RFC1: variants seen among roughly 807,000 people sequenced by gnomAD.
RFC1 encodes the protein A1 140 kDa subunit.
In RFC1, 37 loss-of-function variants were observed where a neutral mutation model predicts 137.4. That is an observed-to-expected ratio of 0.27 (90% CI 0.21 to 0.35). The LOEUF (loss-of-function observed/expected upper bound fraction) is 0.35. RFC1 is among the 10% of genes least tolerant of loss of function. The pLI is 1.00. For missense variants in RFC1, 1,205 were observed against 1,358.5 expected (o/e 0.89, Z 1.78); for synonymous variants, 429 against 455.7 (o/e 0.94, Z 0.75).
chr4:39,348,988 G>C (rs1048775996), intron 2 of RFC1, among the ~76,000 whole-genome samples: 1 of 152,186 alleles, frequency 6.6e-6, no homozygotes, highest in Non-Finnish European at 1.5e-5. Context: ...CTTTGGAATG[G>C]TAATGTCTAT....
chr4:39,353,218 T>C (rs915944306), intron 1 of RFC1, among the ~76,000 whole-genome samples: 1 of 151,890 alleles, frequency 6.6e-6, no homozygotes, highest in African/African-American at 2.4e-5. Context: ...CTGGTCAACA[T>C]GGTGAAATCC....
At chr4:39,310,351 T>C (rs1738906689) in intron 12 of RFC1, among the ~76,000 whole-genome samples, 1 of 152,110 alleles carries the variant, frequency 6.6e-6, no homozygotes, top group Non-Finnish European at 1.5e-5. Context: ...GTTCGAAAAA[T>C]ATGTACAGGT....
At chr4:39,350,277 A>C (rs1327680933) in intron 2 of RFC1, among the ~76,000 whole-genome samples, 1 of 152,184 alleles carries the variant, frequency 6.6e-6, no homozygotes, top group East Asian at 1.9e-4. Context: ...TCCAACGTTT[A>C]TGTAATTGTA....
intron 3 of RFC1, among the ~76,000 whole-genome samples, chr4:39,343,169 C>T (rs1443362120): frequency 1.3e-5 from 2 of 152,232 alleles, no homozygotes; most frequent in South Asian, 2.1e-4. Context: ...ACTACAGGCG[C>T]GTGCCACCAC....
chr4:39,301,261 T>TGC lies in RFC1; in HGVS notation c.2536-849_2536-848dup, dbSNP rs1165523788. On this transcript the variant is annotated intron_variant, in intron 19 of 24. Transcript: ENST00000349703. ...TGGACACAGTGAAAGGATCAGTGGC[T>TGC]GCCAGGGGTTGTAGGGAGGAAAGCG... 9.9e-5 allele frequency among the ~76,000 whole-genome samples: 15 copies of TGC among 152,278 alleles called. No individual in the cohort carries two copies. In the East Asian group the frequency reaches 2.9e-3, roughly 29 times the overall value.
In RFC1 at chr4:39,300,244, AG is replaced by A. The variant is rs1738276780; in HGVS notation, c.2690+15del. ...CTGGATACTAAGCACACCTCTCACCAGCTCTGGACACTCACCCTGCTGCTAC... is the reference window on the plus strand; with the variant it reads ...CTGGATACTAAGCACACCTCTCACCACTCTGGACACTCACCCTGCTGCTAC... On this transcript the variant is annotated intron_variant, in intron 20 of 24. Coordinates refer to ENST00000349703, the MANE Select transcript of RFC1 (RefSeq NM_002913.5). 3 of 1,614,020 alleles carry A rather than the reference AG, an allele frequency of 1.9e-6. No individual in the cohort carries two copies. The African/African-American group carries it at 4.0e-5, about 22-fold the overall frequency.
At chr4:39,296,081 T>G (rs1050033494) in intron 21 of RFC1, among the ~76,000 whole-genome samples, 2 of 152,106 alleles carry the variant, frequency 1.3e-5, no homozygotes, top group Non-Finnish European at 2.9e-5. Flanking sequence ...AAATAATTAC[T>G]TAAGAGGGAT....
intron 5 of RFC1, 76 bp from the exon 6 acceptor site, chr4:39,326,716 C>T: frequency 1.8e-6 from 2 of 1,094,582 alleles, no homozygotes; most frequent in Non-Finnish European, 2.7e-6. Flanking sequence ...TTGACTGTTG[C>T]TGATTAAATA....
At chr4:39,341,103 G>A (rs1215165442) in intron 4 of RFC1, among the ~76,000 whole-genome samples, 21 of 152,196 alleles carry the variant, frequency 1.4e-4, no homozygotes, top group Admixed American at 1.3e-3. Context: ...TCTGTGATCA[G>A]AGCTTAAATT....
Position 39,288,179 on chromosome 4 carries a change from T to C in RFC1, c.*582A>G, listed in dbSNP as rs1488962703. Reference sequence around the variant, plus strand: ...AATATACCAACATAATATTTTGCTGTACAAGATGACAATCTTAAAAAGAAT... The same window carrying C: ...AATATACCAACATAATATTTTGCTGCACAAGATGACAATCTTAAAAAGAAT... On this transcript the variant is annotated 3_prime_UTR_variant, in exon 25 of 25. Coordinates refer to ENST00000349703, the MANE Select transcript of RFC1 (RefSeq NM_002913.5). 2 of 152,230 alleles carry C rather than the reference T, an allele frequency of 1.3e-5. No homozygotes were observed. Among genetic ancestry groups the C allele is most frequent in the African/African-American group, 4.8e-5 (2 of 41,462 alleles). 9.4% of individuals were successfully genotyped at this position (152,230 alleles called of 1,614,324 possible). A position where few individuals can be genotyped will look rare whatever the true frequency, so the allele number is the denominator to read the frequency against.
intron 21 of RFC1, among the ~76,000 whole-genome samples, chr4:39,298,039 G>A (rs1171784969): frequency 1.3e-5 from 2 of 152,166 alleles, no homozygotes; most frequent in Non-Finnish European, 2.9e-5. Context: ...TCTGGGCCAG[G>A]TGCAGTGGCT....
intron 1 of RFC1, 133 bp downstream of exon 1, chr4:39,366,106 C>T (rs2109793385): frequency 3.0e-6 from 3 of 997,340 alleles, no homozygotes; most frequent in Non-Finnish European, 2.8e-6. Flanking sequence ...GCGGCCCCTT[C>T]TCTGCCTTTG....
At chr4:39,346,168 A>G (rs1198832500) in intron 2 of RFC1, among the ~76,000 whole-genome samples, 1 of 152,242 alleles carries the variant, frequency 6.6e-6, no homozygotes, top group Non-Finnish European at 1.5e-5. Flanking sequence ...CCACTAGCCA[A>G]TGCCTGTTAG....
intron 4 of RFC1, chr4:39,341,480 C>T (rs1740603448): frequency 2.5e-6 from 1 of 393,612 alleles, no homozygotes; most frequent in Admixed American, 3.1e-5. Flanking sequence ...ATGTTCACAT[C>T]ACTTACTTTT....
At chr4:39,329,173 A>T (rs1265359594) in intron 4 of RFC1, among the ~76,000 whole-genome samples, 14 of 138,598 alleles carry the variant, frequency 1.0e-4, no homozygotes, top group African/African-American at 3.9e-4. Context: ...TTTGGCCTAT[A>T]AACAAAAGAA....
intron 1 of RFC1, 23 bp downstream of exon 1, chr4:39,366,216 C>G: frequency 6.4e-7 from 1 of 1,554,276 alleles, no homozygotes; most frequent in Non-Finnish European, 8.7e-7. Flanking sequence ...CCCCGAGCCG[C>G]ACGGCCTCCC....
At chr4:39,336,474 G>A (rs984571432) in intron 4 of RFC1, among the ~76,000 whole-genome samples, 1 of 152,256 alleles carries the variant, frequency 6.6e-6, no homozygotes, top group East Asian at 1.9e-4. Flanking sequence ...TATTCTGTGA[G>A]TTATCAGACT....
chr4:39,365,406 A>T, intron 1 of RFC1: 1 of 923,432 alleles, frequency 1.1e-6, no homozygotes, highest in East Asian at 1.2e-4. Context: ...CTTAATGAAC[A>T]TTTTAAATGG....
intron 2 of RFC1, among the ~76,000 whole-genome samples, chr4:39,348,783 A>G (rs1194088927): frequency 3.3e-5 from 5 of 152,200 alleles, no homozygotes; most frequent in Non-Finnish European, 7.3e-5. Flanking sequence ...TGTGGGCAGG[A>G]TGGCCCAGCA....
Sources: gnomAD v4.1 joint callset for allele counts (sites outside exome capture counted in the v4.1 genomes callset) on GRCh38, gnomAD v4.1.1 for gene constraint, MANE v1.5 for transcripts, NCBI Gene and HGNC (gene_info 2026-07-23, HGNC 2026-07-21) for gene names.